DSCAM: variants seen among roughly 807,000 people sequenced by gnomAD.
DSCAM encodes the protein DS cell adhesion molecule.
Under a neutral mutation model 217.7 loss-of-function variants are expected in DSCAM, and 47 were observed. The ratio of observed to expected loss-of-function variants is 0.22; its 90% CI spans 0.17 to 0.28. The LOEUF is 0.28. DSCAM is among the 10% of genes least tolerant of loss of function. DSCAM has a pLI of 1.00. For synonymous variants in DSCAM, 1,056 were observed against 1,015.3 expected, an observed-to-expected ratio of 1.04 and a Z score of -0.76; for missense variants, 2,080 against 2,618.3, an observed-to-expected ratio of 0.79 and a Z score of 4.49.
intron 1 of DSCAM, among the ~76,000 whole-genome samples, chr21:40,794,422 G>A (rs1436261580): frequency 6.6e-6 from 1 of 151,830 alleles, no homozygotes; most frequent in Non-Finnish European, 1.5e-5. Context: ...TGGTCTTTGG[G>A]GACTCAGGCA....
At chr21:40,162,601 T>A (rs979807142) in intron 16 of DSCAM, among the ~76,000 whole-genome samples, 8 of 152,220 alleles carry the variant, frequency 5.3e-5, no homozygotes, top group African/African-American at 1.7e-4. Context: ...TTAGCTGGAA[T>A]TATTGGGTAT....
intron 3 of DSCAM, among the ~76,000 whole-genome samples, chr21:40,503,420 T>C (rs766807776): frequency 1.3e-5 from 2 of 152,208 alleles, no homozygotes. Context: ...AAACAAACTC[T>C]AGCTACCTCT....
At chr21:40,117,709 G>T (rs10483062) in intron 20 of DSCAM, among the ~76,000 whole-genome samples, 1,728 of 152,292 alleles carry the variant, frequency 0.011, 36 homozygotes, top group African/African-American at 0.039. Context: ...TGTAGTAAAT[G>T]TAAGTTTGTG....
intron 3 of DSCAM, among the ~76,000 whole-genome samples, chr21:40,619,086 A>G (rs890720274): frequency 1.3e-4 from 20 of 152,340 alleles, no homozygotes; most frequent in African/African-American, 4.8e-4. Flanking sequence ...TAAAAAAAAC[A>G]AAAGCAACAC....
At chr21:40,314,123 C>T (rs2074170647) in intron 8 of DSCAM, among the ~76,000 whole-genome samples, 1 of 152,180 alleles carries the variant, frequency 6.6e-6, no homozygotes, top group Admixed American at 6.6e-5. Context: ...TCAGCCTCTG[C>T]CAGTGGAGCT....
chr21:40,404,316 A>C (rs1251753481), intron 3 of DSCAM, among the ~76,000 whole-genome samples: 1 of 152,206 alleles, frequency 6.6e-6, no homozygotes, highest in Non-Finnish European at 1.5e-5. Context: ...GATTCTGTGA[A>C]CCAAGAGGCG....
intron 11 of DSCAM, among the ~76,000 whole-genome samples, chr21:40,252,322 T>G (rs1213894747): frequency 6.6e-6 from 1 of 152,146 alleles, no homozygotes; most frequent in Non-Finnish European, 1.5e-5. Flanking sequence ...TGGGGTCCTG[T>G]GATGCCTAGG....
chr21:40,100,333 G>T (rs2089734268), intron 20 of DSCAM, among the ~76,000 whole-genome samples: 1 of 152,138 alleles, frequency 6.6e-6, no homozygotes, highest in Non-Finnish European at 1.5e-5. Context: ...AGCCAAAAAT[G>T]CTTGTTCTGA....
chr21:40,185,136 G>A (rs181825923), intron 14 of DSCAM, among the ~76,000 whole-genome samples: 3 of 152,292 alleles, frequency 2.0e-5, no homozygotes, highest in Admixed American at 6.5e-5. Flanking sequence ...ATATTTGTCA[G>A]TAATCATAGA....
intron 1 of DSCAM, among the ~76,000 whole-genome samples, chr21:40,737,699 C>T (rs2091078974): frequency 6.6e-6 from 1 of 152,196 alleles, no homozygotes; most frequent in South Asian, 2.1e-4. Flanking sequence ...GATTATAGGG[C>T]TGATGACACT....
At chr21:40,563,673 T>C (rs926977903) in intron 3 of DSCAM, among the ~76,000 whole-genome samples, 2 of 128,672 alleles carry the variant, frequency 1.6e-5, no homozygotes, top group East Asian at 2.2e-4. Context: ...TTTATATATA[T>C]GTTTATATGT....
intron 3 of DSCAM, among the ~76,000 whole-genome samples, chr21:40,494,631 T>C (rs1284918108): frequency 6.6e-6 from 1 of 151,844 alleles, no homozygotes; most frequent in Non-Finnish European, 1.5e-5. Flanking sequence ...AAAGAAGTTT[T>C]TAACAAAAAA....
chr21:40,426,921 A>G (rs1307015757), intron 3 of DSCAM, among the ~76,000 whole-genome samples: 1 of 152,094 alleles, frequency 6.6e-6, no homozygotes, highest in Non-Finnish European at 1.5e-5. Context: ...TTGAAAAAAA[A>G]ATCTAGTGTG....
rs371558379 is a variant in DSCAM, at chr21:40,196,052, C to T, written c.2357-6814G>A. ...ATACATCAGCGTGGGTCTCAAAGGT[C>T]GAGCTGTAAGATGGCAGCCACCTGC... is the stretch of plus-strand genomic sequence containing the variant. On this transcript the variant is annotated intron_variant, in intron 11 of 32. Transcript: ENST00000400454. Among the ~76,000 whole-genome samples, 344 of 152,304 alleles carry T rather than the reference C, an allele frequency of 2.3e-3. 3 individuals carry two copies. Among genetic ancestry groups the T allele is most frequent in the African/African-American group, 8.0e-3 (332 of 41,568 alleles).
chr21:40,780,409 G>GTATATATATA (rs2091528831), intron 1 of DSCAM, among the ~76,000 whole-genome samples: 3 of 76,616 alleles, frequency 3.9e-5, no homozygotes, highest in Middle Eastern at 5.8e-3. Context: ...GTGTGTGTGT[G>GTATATATATA]TGTGTGTGTG....
chr21:40,509,881 T>G (rs952541442), intron 3 of DSCAM, among the ~76,000 whole-genome samples: 8 of 152,186 alleles, frequency 5.3e-5, no homozygotes, highest in Non-Finnish European at 1.2e-4. Flanking sequence ...TCCCAGCATT[T>G]TGGGAGGCCG....
intron 3 of DSCAM, among the ~76,000 whole-genome samples, chr21:40,494,842 T>C (rs554725436): frequency 1.6e-3 from 217 of 136,364 alleles, no homozygotes; most frequent in African/African-American, 5.5e-3. Context: ...TTTTCAAAAA[T>C]AGAACCAACA....
At chr21:40,734,175 C>T (rs191415239) in intron 1 of DSCAM, among the ~76,000 whole-genome samples, 12 of 152,150 alleles carry the variant, frequency 7.9e-5, no homozygotes, top group Middle Eastern at 6.8e-3. Flanking sequence ...CCCCAAGAAA[C>T]GCTAAATGTT....
intron 3 of DSCAM, among the ~76,000 whole-genome samples, chr21:40,563,413 A>G (rs2076735822): frequency 6.7e-6 from 1 of 149,382 alleles, no homozygotes; most frequent in South Asian, 2.1e-4. Context: ...CAATCCAGAA[A>G]TTCTCAGAGT....
Sources: gnomAD v4.1 joint callset for allele counts (sites outside exome capture counted in the v4.1 genomes callset) on GRCh38, gnomAD v4.1.1 for gene constraint, MANE v1.5 for transcripts, NCBI Gene and HGNC (gene_info 2026-07-23, HGNC 2026-07-21) for gene names.